ZMIZ1: variants seen among roughly 807,000 people sequenced by gnomAD.
ZMIZ1 encodes the protein zinc finger MIZ-type containing 1.
A neutral mutation model predicts 113.9 loss-of-function variants in ZMIZ1; 17 were observed. The ratio of observed to expected loss-of-function variants is 0.15; its 90% CI spans 0.10 to 0.22. The LOEUF (loss-of-function observed/expected upper bound fraction) is 0.22. ZMIZ1 is among the 10% of genes least tolerant of loss of function. The pLI, the probability that ZMIZ1 is intolerant of heterozygous loss-of-function variation, is 1.00. For missense variants in ZMIZ1, 1,059 were observed against 1,477.8 expected, an observed-to-expected ratio of 0.72 and a Z score of 4.65; for synonymous variants, 607 against 603.1, an observed-to-expected ratio of 1.01 and a Z score of -0.09.
At chr10:79,280,274 G>A (rs1782646) in intron 8 of ZMIZ1, among the ~76,000 whole-genome samples, 47,905 of 151,380 alleles carry the variant, frequency 0.32, 8,009 homozygotes, top group East Asian at 0.45. Context: ...CCACCATGCC[G>A]GCCTATTATT....
chr10:79,144,706 C>T (rs1176572867), intron 3 of ZMIZ1, among the ~76,000 whole-genome samples: 3 of 152,246 alleles, frequency 2.0e-5, no homozygotes, highest in Non-Finnish European at 4.4e-5. Flanking sequence ...TTTTCATTGC[C>T]TTCCCAGTGA....
intron 4 of ZMIZ1, among the ~76,000 whole-genome samples, chr10:79,199,234 G>A (rs570949924): frequency 3.9e-5 from 6 of 151,936 alleles, no homozygotes; most frequent in African/African-American, 1.2e-4. Context: ...GTGGCCAGGC[G>A]TGGTGGCTCA....
At chr10:79,293,334 ATTC>A (rs1853640598) in intron 11 of ZMIZ1, 44 bp from the exon 12 acceptor site, 2 of 1,496,048 alleles carry the variant, frequency 1.3e-6, no homozygotes, top group Non-Finnish European at 8.9e-7. Context: ...GTGGCATTTT[ATTC>A]TTTTTTTTTT....
intron 4 of ZMIZ1, among the ~76,000 whole-genome samples, chr10:79,199,363 CA>C (rs1847974965): frequency 6.6e-6 from 1 of 151,898 alleles, no homozygotes; most frequent in Non-Finnish European, 1.5e-5. Flanking sequence ...AAAAATTAGC[CA>C]GGCATAGTGG....
At position 79,243,095 on chromosome 10, in the gene ZMIZ1, C is replaced by A. The variant is rs570864248; in HGVS notation, c.280+26821C>A. On this transcript the variant is annotated intron_variant, in intron 7 of 24. Transcript: ENST00000334512. ...GGTCTGCTCGCCTTTCATCTTCCTC[C>A]CGCGCTCCTCCTCCTCCTCCCTCCC... 4.6e-5 allele frequency among the ~76,000 whole-genome samples: 7 copies of A among 151,496 alleles called. No homozygotes were observed. In the East Asian group the frequency reaches 1.4e-3, roughly 30 times the overall value.
intron 1 of ZMIZ1, among the ~76,000 whole-genome samples, chr10:79,106,739 G>A (rs10824718): frequency 0.47 from 71,183 of 152,150 alleles, 16,836 homozygotes; most frequent in African/African-American, 0.54. Context: ...TATGGGGTAG[G>A]TACCCAGGAA....
rs112888530 is a variant in ZMIZ1 at position 79,117,440 on chromosome 10, G to C, written c.-336-1475G>C. ...AACATTGTGTTTGCAAGATTTACCCGTAGTGTTGTTGGATGAAGTTGCAGA... is the reference window on the plus strand; with the variant it reads ...AACATTGTGTTTGCAAGATTTACCCCTAGTGTTGTTGGATGAAGTTGCAGA... On this transcript the variant is annotated intron_variant, in intron 1 of 24. Transcript: ENST00000334512. 3.1e-3 allele frequency among the ~76,000 whole-genome samples: 475 copies of C among 152,300 alleles called. 2 individuals carry two copies. The highest frequency in any genetic ancestry group is 0.014 in the South Asian group (68 of 4,832).
chr10:79,116,167 T>A (rs1844018838), intron 1 of ZMIZ1, among the ~76,000 whole-genome samples: 1 of 151,902 alleles, frequency 6.6e-6, no homozygotes, highest in Admixed American at 6.6e-5. Flanking sequence ...GGGAGAAGCC[T>A]GGGTCCCCAG....
At chr10:79,138,080 T>G (rs1295078542) in intron 2 of ZMIZ1, among the ~76,000 whole-genome samples, 1 of 152,132 alleles carries the variant, frequency 6.6e-6, no homozygotes, top group Admixed American at 6.5e-5. Flanking sequence ...CGGCGGGCAC[T>G]GGGCCAGGGG....
intron 1 of ZMIZ1, among the ~76,000 whole-genome samples, chr10:79,082,454 G>C (rs1229302015): frequency 3.3e-5 from 5 of 152,326 alleles, no homozygotes; most frequent in Non-Finnish European, 5.9e-5. Flanking sequence ...ATGCAGCCTG[G>C]TGTGATCCCT....
Position 79,312,703 on chromosome 10 carries a change from C to G in ZMIZ1, c.3158C>G (p.Pro1053Arg), listed in dbSNP as rs1300598426. 1.1e-5 allele frequency: 17 copies of G among 1,614,202 alleles called. No individual in the cohort carries two copies. The highest frequency in any genetic ancestry group is 1.4e-5 in the Non-Finnish European group (16 of 1,180,022). ...LLSYLDPPDL[P>R]SNSNDDLLSL... is the part of the protein sequence containing the mutation. ...TCTTATCTGGACCCCCCCGACCTGC[C>G]GAGCAATAGTAACGATGACCTCCTG... is the stretch of plus-strand genomic sequence containing the variant. Residue 1053 changes from proline to arginine, a missense_variant, in exon 25 of 25, where the codon CCG becomes CGG. Physicochemically the swap from Pro to Arg is moderately radical, Grantham distance 103. This residue lies in a region of ZMIZ1 where 225 missense variants were observed against 276.0 expected (regional missense o/e 0.82). Transcript: ENST00000334512.
chr10:79,073,838 C>T (rs528375333), intron 1 of ZMIZ1, among the ~76,000 whole-genome samples: 8 of 151,532 alleles, frequency 5.3e-5, no homozygotes, highest in East Asian at 3.9e-4. Context: ...GGGGTTGGGT[C>T]GGGCCCGGCA....
chr10:79,270,316 C>A (rs536265378), intron 7 of ZMIZ1, among the ~76,000 whole-genome samples: 1 of 152,354 alleles, frequency 6.6e-6, no homozygotes, highest in South Asian at 2.1e-4. Flanking sequence ...TGGTCCCCTT[C>A]TGATCCTCAG....
chr10:79,152,221 C>T (rs1323326473), intron 3 of ZMIZ1, among the ~76,000 whole-genome samples: 1 of 152,146 alleles, frequency 6.6e-6, no homozygotes, highest in Non-Finnish European at 1.5e-5. Flanking sequence ...TAGCCCAGCC[C>T]AGTACAGTGG....
intron 3 of ZMIZ1, among the ~76,000 whole-genome samples, chr10:79,150,043 C>T (rs1845650394): frequency 6.6e-6 from 1 of 152,210 alleles, no homozygotes; most frequent in Non-Finnish European, 1.5e-5. Flanking sequence ...CTTGCTCGGC[C>T]CTCCCTCTCC....
intron 7 of ZMIZ1, among the ~76,000 whole-genome samples, chr10:79,240,173 A>T (rs934397982): frequency 6.5e-5 from 3 of 46,398 alleles, no homozygotes; most frequent in African/African-American, 1.4e-4. Context: ...CGGGGGCTGC[A>T]GCTCGCCCTT....
At chr10:79,096,852 C>A (rs1319914977) in intron 1 of ZMIZ1, among the ~76,000 whole-genome samples, 1 of 152,062 alleles carries the variant, frequency 6.6e-6, no homozygotes, top group African/African-American at 2.4e-5. Context: ...ATGATAAGCA[C>A]CAAGAAAGAA....
chr10:79,107,404 G>A (rs1002711675), intron 1 of ZMIZ1, among the ~76,000 whole-genome samples: 1 of 152,222 alleles, frequency 6.6e-6, no homozygotes. Flanking sequence ...GACACCACAC[G>A]GGGCTCTTGT....
At chr10:79,163,427 G>A (rs1846194531) in intron 4 of ZMIZ1, among the ~76,000 whole-genome samples, 1 of 152,260 alleles carries the variant, frequency 6.6e-6, no homozygotes, top group Non-Finnish European at 1.5e-5. Flanking sequence ...TACTGACATT[G>A]CTGACAGAGC....
Sources: gnomAD v4.1 joint callset for allele counts (sites outside exome capture counted in the v4.1 genomes callset) on GRCh38, gnomAD v4.1.1 for gene constraint, gnomAD v4.1.1 regional missense constraint, MANE v1.5 for transcripts, NCBI Gene and HGNC (gene_info 2026-07-23, HGNC 2026-07-21) for gene names.